Variants in CSMD1 observed in about 807,000 individuals in gnomAD.
CSMD1 encodes the protein CUB and sushi domain-containing protein 1.
CSMD1 carries 213 observed loss-of-function variants against 417.5 expected under a neutral mutation model. That is an observed-to-expected ratio of 0.51 (90% CI 0.46 to 0.57). CSMD1 has a LOEUF of 0.57. CSMD1 is among the 20% of genes least tolerant of loss of function. CSMD1 has a pLI of 0.00. For synonymous variants in CSMD1, 2,862 were observed against 1,736.8 expected (o/e 1.65, Z -16.11); for missense variants, 6,923 against 4,529.7 (o/e 1.53, Z -15.17).
At chr8:4,102,992 A>G (rs1186759083) in intron 3 of CSMD1, among the ~76,000 whole-genome samples, 6 of 152,156 alleles carry the variant, frequency 3.9e-5, no homozygotes, top group African/African-American at 1.4e-4. Context: ...AAATAAAAAT[A>G]TTTGTATTCT....
chr8:4,034,968 C>G (rs1026092158), intron 3 of CSMD1, among the ~76,000 whole-genome samples: 40 of 152,274 alleles, frequency 2.6e-4, no homozygotes, highest in African/African-American at 9.4e-4. Flanking sequence ...GGAACTTAGT[C>G]TGCGCGACTC....
At chr8:4,702,289 C>T (rs955130441) in intron 1 of CSMD1, among the ~76,000 whole-genome samples, 12 of 152,180 alleles carry the variant, frequency 7.9e-5, no homozygotes, top group East Asian at 1.9e-4. Context: ...AACAGGTTGC[C>T]TTGCTTCTGA....
chr8:4,208,338 T>A (rs549506662), intron 3 of CSMD1, among the ~76,000 whole-genome samples: 2 of 152,296 alleles, frequency 1.3e-5, no homozygotes, highest in South Asian at 2.1e-4. Flanking sequence ...CAGGTCTTAT[T>A]TGAATCCTTC....
intron 1 of CSMD1, among the ~76,000 whole-genome samples, chr8:4,903,831 A>G (rs1158209544): frequency 6.6e-6 from 1 of 152,202 alleles, no homozygotes; most frequent in Non-Finnish European, 1.5e-5. Flanking sequence ...CAAATGGCCA[A>G]GAAGTACTTC....
At chr8:3,971,975 T>G (rs1377359313) in intron 5 of CSMD1, among the ~76,000 whole-genome samples, 1 of 152,068 alleles carries the variant, frequency 6.6e-6, no homozygotes, top group African/African-American at 2.4e-5. Flanking sequence ...TGGGTGATCC[T>G]GGCTCACTGC....
At chr8:3,435,130 C>T (rs1430595907) in intron 12 of CSMD1, among the ~76,000 whole-genome samples, 1 of 152,152 alleles carries the variant, frequency 6.6e-6, no homozygotes, top group East Asian at 1.9e-4. Flanking sequence ...TTCACTCACT[C>T]TGTGGCCTCA....
chr8:4,284,035 C>G (rs981827717), intron 3 of CSMD1, among the ~76,000 whole-genome samples: 7 of 152,056 alleles, frequency 4.6e-5, no homozygotes, highest in African/African-American at 1.7e-4. Flanking sequence ...GAATTCGAAA[C>G]CAGGCTGGCC....
chr8:4,911,287 G>C (rs1344014625), intron 1 of CSMD1, among the ~76,000 whole-genome samples: 3 of 152,254 alleles, frequency 2.0e-5, no homozygotes, highest in East Asian at 1.9e-4. Flanking sequence ...ATACATACTG[G>C]ATAAAGTGTT....
rs112366141 is a variant in CSMD1 at position 4,826,952 on chromosome 8, G to C, written c.85+167380C>G. Among the ~76,000 whole-genome samples the C allele has an allele frequency of 3.3e-3, 499 of 152,236 alleles. 7 individuals carry two copies. The highest frequency in any genetic ancestry group is 0.011 in the African/African-American group (464 of 41,540). On this transcript the variant is annotated intron_variant, in intron 1 of 69. Transcript: ENST00000635120. ...GCTTACTACTCACCCTTGAGTGTAA[G>C]TTTGTGCTCACTACACGTTGAATAC...
At chr8:4,170,669 T>G (rs1031872712) in intron 3 of CSMD1, among the ~76,000 whole-genome samples, 1 of 151,814 alleles carries the variant, frequency 6.6e-6, no homozygotes, top group Non-Finnish European at 1.5e-5. Flanking sequence ...GTAGAATAAG[T>G]TGGAGGAGCT....
At chr8:3,107,912 A>T in intron 44 of CSMD1, 114 bp from the exon 45 acceptor site, 1 of 655,578 alleles carries the variant, frequency 1.5e-6, no homozygotes, top group South Asian at 1.9e-5. Context: ...CACGGACTGA[A>T]ATGTCTCTAT....
At position 4,758,297 on chromosome 8, in the gene CSMD1, G is replaced by C. The variant is rs1310670030; in HGVS notation, c.86-120739C>G. On this transcript the variant is annotated intron_variant, in intron 1 of 69. Coordinates refer to ENST00000635120, the MANE Select transcript of CSMD1 (RefSeq NM_033225.6). ...CAGCTGTTTCCCAACGTTGCCTTTTGAATGTTATGCTTAATTCGCTGGTTC... is the reference window on the plus strand; with the variant it reads ...CAGCTGTTTCCCAACGTTGCCTTTTCAATGTTATGCTTAATTCGCTGGTTC... Among the ~76,000 whole-genome samples the C allele has an allele frequency of 2.0e-5, 3 of 152,292 alleles. No homozygotes were observed. In the South Asian group the frequency reaches 6.2e-4, roughly 32 times the overall value.
chr8:4,570,233 G>A (rs1038224183), intron 2 of CSMD1, among the ~76,000 whole-genome samples: 1 of 152,160 alleles, frequency 6.6e-6, no homozygotes, highest in Admixed American at 6.5e-5. Context: ...AAAACGCAAT[G>A]CTTCCAGCTT....
chr8:4,649,122 T>C (rs942900285), intron 1 of CSMD1, among the ~76,000 whole-genome samples: 19 of 152,164 alleles, frequency 1.2e-4, no homozygotes, highest in African/African-American at 4.6e-4. Flanking sequence ...CATTATATGA[T>C]CTAACCTTCT....
At chr8:4,966,581 C>G (rs1343602369) in intron 1 of CSMD1, among the ~76,000 whole-genome samples, 2 of 152,082 alleles carry the variant, frequency 1.3e-5, no homozygotes, top group Non-Finnish European at 2.9e-5. Flanking sequence ...CACTGACATG[C>G]TAAATACATT....
At chr8:3,008,116 T>G (rs1213380351) in intron 52 of CSMD1, among the ~76,000 whole-genome samples, 6 of 152,116 alleles carry the variant, frequency 3.9e-5, no homozygotes, top group African/African-American at 1.4e-4. Flanking sequence ...GCAAGATGGA[T>G]GGAGTATTGA....
At position 3,094,731 on chromosome 8, in the gene CSMD1, T is replaced by C. The variant is rs554727499; in HGVS notation, c.7138+2118A>G. Among the ~76,000 whole-genome samples, 12 of 124,628 alleles carry C rather than the reference T, an allele frequency of 9.6e-5. No individual in the cohort carries two copies. In the South Asian group the frequency reaches 2.7e-3, roughly 28 times the overall value. The allele number at this position is 124,628 out of a possible 152,430, so 81.8% of individuals were successfully genotyped here. A position where few individuals can be genotyped will look rare whatever the true frequency, so the allele number is the denominator to read the frequency against. ...AGAGAGTAATATACTCTTGAGATAATAAAGTATAAAATCAATATATTCAAC... is the reference window on the plus strand; with the variant it reads ...AGAGAGTAATATACTCTTGAGATAACAAAGTATAAAATCAATATATTCAAC... On this transcript the variant is annotated intron_variant, in intron 47 of 69. Transcript: ENST00000635120.
At chr8:3,734,874 T>G (rs1266409098) in intron 6 of CSMD1, among the ~76,000 whole-genome samples, 1 of 152,178 alleles carries the variant, frequency 6.6e-6, no homozygotes, top group African/African-American at 2.4e-5. Flanking sequence ...GATGCTACAA[T>G]AGGGCTGTAC....
intron 52 of CSMD1, among the ~76,000 whole-genome samples, chr8:3,015,731 G>A (rs540719946): frequency 6.6e-6 from 1 of 152,034 alleles, no homozygotes; most frequent in East Asian, 1.9e-4. Context: ...TTAACTTGGT[G>A]GAAACCCAAA....
Sources: gnomAD v4.1 joint callset for allele counts (sites outside exome capture counted in the v4.1 genomes callset) on GRCh38, gnomAD v4.1.1 for gene constraint, MANE v1.5 for transcripts, NCBI Gene and HGNC (gene_info 2026-07-23, HGNC 2026-07-21) for gene names.